The following MAP3K20 variants were observed in gnomAD, a reference collection of about 807,000 sequenced individuals.
MAP3K20 encodes HCCS-4.
In MAP3K20, 40 loss-of-function variants were observed where a neutral mutation model predicts 85.7. That is an observed-to-expected ratio of 0.47 (90% CI 0.36 to 0.61). The LOEUF is 0.61. Among genes scored for constraint, MAP3K20 ranks in the 20% least tolerant of loss-of-function variants. The pLI, the probability that MAP3K20 is intolerant of heterozygous loss-of-function variation, is 0.00. For synonymous variants in MAP3K20, 325 were observed against 327.7 expected (o/e 0.99, Z 0.09); for missense variants, 817 against 961.7 (o/e 0.85, Z 1.99).
chr2:173,165,686 T>G (rs1407485731), intron 2 of MAP3K20, among the ~76,000 whole-genome samples: 1 of 151,572 alleles, frequency 6.6e-6, no homozygotes, highest in African/African-American at 2.4e-5. Flanking sequence ...TTTATTTGTT[T>G]ATTTAGACAG....
rs1332219098 is a variant in MAP3K20, at chr2:173,187,618, G to C, written c.410G>C (p.Arg137Thr). The C allele has an allele frequency of 6.2e-7, 1 of 1,608,118 alleles. No homozygotes were observed. The highest frequency in any genetic ancestry group is 2.2e-5 in the East Asian group (1 of 44,604). The stretch of plus-strand genomic sequence containing the variant: ...GTGATTCACAGAGACCTCAAGTCAA[G>C]AAACGGTAATGTAGTTATGTTTTTA... Reference protein sequence around the residue: ...VKVIHRDLKSRNVVIAADGVL... With the variant: ...VKVIHRDLKSTNVVIAADGVL... The change falls in exon 5 of 20, where the codon AGA (arginine) becomes ACA (threonine). Residue 137 changes from arginine to threonine, a missense_variant. Transcript: ENST00000375213.
chr2:173,208,136 A>G (rs1363180316), intron 9 of MAP3K20, among the ~76,000 whole-genome samples: 1 of 152,200 alleles, frequency 6.6e-6, no homozygotes, highest in Non-Finnish European at 1.5e-5. Flanking sequence ...ACAGTGGCTC[A>G]TGCCTGTAAT....
rs780329729 is a variant in MAP3K20, at chr2:173,203,783, C to G, written c.670-13C>G. On this transcript the variant is annotated splice_polypyrimidine_tract_variant and intron_variant, in intron 8 of 19. Coordinates refer to ENST00000375213, the MANE Select transcript of MAP3K20 (RefSeq NM_016653.3). ...CTGTTTTATTTTGTTTTGTTTCCCT[C>G]TGTCTATTGTAGAGATTAACCATTC... 5 of 1,601,620 alleles carry G rather than the reference C, an allele frequency of 3.1e-6. No individual in the cohort carries two copies. The South Asian group carries it at 5.5e-5, about 18-fold the overall frequency.
chr2:173,227,288 T>C (rs1296935065), intron 11 of MAP3K20: 2 of 368,530 alleles, frequency 5.4e-6, no homozygotes, highest in Admixed American at 6.4e-5. Flanking sequence ...AATAATAAAT[T>C]TGTAAAGTGA....
rs551781336 is a variant in MAP3K20 at position 173,167,119 on chromosome 2, A to G, written c.160-2686A>G. 4.0e-5 allele frequency among the ~76,000 whole-genome samples: 6 copies of G among 151,434 alleles called. No individual in the cohort carries two copies. In the East Asian group the frequency reaches 1.2e-3, roughly 29 times the overall value. On this transcript the variant is annotated intron_variant, in intron 2 of 19. Coordinates refer to ENST00000375213, the MANE Select transcript of MAP3K20 (RefSeq NM_016653.3). ...TTTAGTAGAGACGGGGTTTCACCAT[A>G]TTAGCCAGGATGGTCTCGACCTCCT...
chr2:173,251,072 G>A (rs1251079386), intron 16 of MAP3K20, among the ~76,000 whole-genome samples: 1 of 152,100 alleles, frequency 6.6e-6, no homozygotes, highest in Non-Finnish European at 1.5e-5. Flanking sequence ...GCCTTCAGAG[G>A]CCTAAATTGT....
At chr2:173,096,306 C>A (rs1173330937) in intron 2 of MAP3K20, among the ~76,000 whole-genome samples, 1 of 151,340 alleles carries the variant, frequency 6.6e-6, no homozygotes, top group Non-Finnish European at 1.5e-5. Flanking sequence ...AAAAGTGTAG[C>A]TGTGGCAATG....
At chr2:173,146,402 A>G (rs1362267294) in intron 2 of MAP3K20, among the ~76,000 whole-genome samples, 1 of 152,212 alleles carries the variant, frequency 6.6e-6, no homozygotes, top group Non-Finnish European at 1.5e-5. Flanking sequence ...CTGAAGGTGA[A>G]TTGAAGTGTA....
chr2:173,256,014 C>T (rs1470564036), intron 16 of MAP3K20, among the ~76,000 whole-genome samples: 4 of 152,202 alleles, frequency 2.6e-5, no homozygotes, highest in Non-Finnish European at 5.9e-5. Context: ...TAGCCAAGAA[C>T]CAGGTTTTCA....
intron 8 of MAP3K20, among the ~76,000 whole-genome samples, chr2:173,202,627 A>G (rs1208166380): frequency 6.6e-6 from 1 of 152,206 alleles, no homozygotes. Flanking sequence ...TCTAACTGTA[A>G]TATAAAAGAG....
At chr2:173,077,379 CA>C (rs35541382) in intron 1 of MAP3K20, among the ~76,000 whole-genome samples, 9,457 of 96,236 alleles carry the variant, frequency 0.098, 272 homozygotes, top group African/African-American at 0.18. Flanking sequence ...TTCAATTTTC[CA>C]AAAAAAAAAA....
intron 11 of MAP3K20, chr2:173,223,682 C>G: frequency 1.0e-6 from 1 of 985,402 alleles, no homozygotes; most frequent in Non-Finnish European, 1.2e-6. Flanking sequence ...AGACTAAACA[C>G]AAAAACAGTA....
intron 8 of MAP3K20, among the ~76,000 whole-genome samples, chr2:173,201,487 AT>A (rs980547398): frequency 6.6e-6 from 1 of 152,208 alleles, no homozygotes; most frequent in African/African-American, 2.4e-5. Context: ...AGAAATCTTC[AT>A]AAGACTTAAT....
chr2:173,232,307 T>C lies in MAP3K20; in HGVS notation c.1064-13T>C, dbSNP rs1684540998. The C allele has an allele frequency of 6.2e-7, 1 of 1,614,210 alleles. No homozygotes were observed. Among genetic ancestry groups the C allele is most frequent in the Non-Finnish European group, 8.5e-7 (1 of 1,180,030 alleles). ...CATCTAATTTTATTCTGCTTTCTAA[T>C]CACTTCCTTCAGGTGACTCTTCAGC... On this transcript the variant is annotated splice_polypyrimidine_tract_variant and intron_variant, in intron 13 of 19. Transcript: ENST00000375213.
At chr2:173,120,764 G>A (rs1207071469) in intron 2 of MAP3K20, among the ~76,000 whole-genome samples, 3 of 126,232 alleles carry the variant, frequency 2.4e-5, no homozygotes, top group African/African-American at 9.0e-5. Context: ...CTGGAGTGCA[G>A]TGGCATGATC....
chr2:173,161,979 G>A (rs527302798), intron 2 of MAP3K20, among the ~76,000 whole-genome samples: 5 of 152,026 alleles, frequency 3.3e-5, no homozygotes, highest in East Asian at 1.9e-4. Context: ...TTTAAATTTC[G>A]TAGTCATATG....
rs182412881 is a variant in MAP3K20, at chr2:173,133,848, G to A, written c.160-35957G>A. Among the ~76,000 whole-genome samples the A allele has an allele frequency of 6.1e-4, 93 of 151,764 alleles. No homozygotes were observed. In the East Asian group the frequency reaches 0.016, roughly 25 times the overall value. ...AAAAAAAAAATCCAAAAAATTAGCC[G>A]GGCATGGTGGTGGGCACCTGTAGTC... On this transcript the variant is annotated intron_variant, in intron 2 of 19. Transcript: ENST00000375213.
At chr2:173,152,587 C>T (rs1378867630) in intron 2 of MAP3K20, among the ~76,000 whole-genome samples, 1 of 152,118 alleles carries the variant, frequency 6.6e-6, no homozygotes, top group Non-Finnish European at 1.5e-5. Context: ...AACCTTTCTG[C>T]TCAAAGATAG....
At chr2:173,251,480 C>G (rs1217695677) in intron 16 of MAP3K20, among the ~76,000 whole-genome samples, 1 of 152,184 alleles carries the variant, frequency 6.6e-6, no homozygotes, top group Non-Finnish European at 1.5e-5. Context: ...AAAATGGGGG[C>G]AGTGCTCTCT....
Sources: gnomAD v4.1 joint callset for allele counts (sites outside exome capture counted in the v4.1 genomes callset) on GRCh38, gnomAD v4.1.1 for gene constraint, MANE v1.5 for transcripts, NCBI Gene and HGNC (gene_info 2026-07-23, HGNC 2026-07-21) for gene names.